Variants in PIBF1 observed in about 807,000 individuals in gnomAD.
PIBF1 encodes the protein progesterone immunomodulatory binding factor 1.
Under a neutral mutation model 112.5 loss-of-function variants are expected in PIBF1, and 90 were observed. The observed-to-expected ratio is 0.80, with a 90% confidence interval of 0.67 to 0.95. PIBF1 has a LOEUF of 0.95. PIBF1 is among the 40% of genes least tolerant of loss of function. The probability of loss-of-function intolerance (pLI) is 0.00; values close to 1 mark genes in which losing one functional copy is unlikely to be tolerated. For missense variants in PIBF1, 915 were observed against 852.3 expected, an observed-to-expected ratio of 1.07 and a Z score of -0.92; for synonymous variants, 301 against 288.6, an observed-to-expected ratio of 1.04 and a Z score of -0.44.
At chr13:72,926,522 C>T (rs2041489094) in intron 13 of PIBF1, among the ~76,000 whole-genome samples, 1 of 152,134 alleles carries the variant, frequency 6.6e-6, no homozygotes, top group Admixed American at 6.6e-5. Flanking sequence ...TTCTGCAGGC[C>T]ATCCTGCACA....
At chr13:72,923,020 C>T (rs1481569132) in intron 13 of PIBF1, among the ~76,000 whole-genome samples, 1 of 152,172 alleles carries the variant, frequency 6.6e-6, no homozygotes, top group East Asian at 1.9e-4. Context: ...CCCTTCTTTG[C>T]AACCATCTTT....
chr13:72,979,003 T>C (rs117941803), intron 16 of PIBF1, among the ~76,000 whole-genome samples: 1 of 152,214 alleles, frequency 6.6e-6, no homozygotes, highest in Non-Finnish European at 1.5e-5. Context: ...AGCACCAGCC[T>C]GGACAACCTA....
chr13:72,920,962 A>G (rs1207258381), intron 13 of PIBF1, among the ~76,000 whole-genome samples: 3 of 152,242 alleles, frequency 2.0e-5, no homozygotes, highest in Non-Finnish European at 2.9e-5. Context: ...TCCAACTACT[A>G]CACAATAGAT....
intron 11 of PIBF1, 84 bp from the exon 12 acceptor site, chr13:72,908,447 C>T: frequency 1.4e-6 from 1 of 714,410 alleles, no homozygotes; most frequent in Non-Finnish European, 2.1e-6. Flanking sequence ...AAAAAAAGCC[C>T]TATGAATGTC....
At chr13:72,986,597 T>C (rs1477236611) in intron 16 of PIBF1, among the ~76,000 whole-genome samples, 1 of 151,896 alleles carries the variant, frequency 6.6e-6, no homozygotes, top group Non-Finnish European at 1.5e-5. Flanking sequence ...TCTCATTTGC[T>C]ATCATTCGTA....
At chr13:72,956,796 A>G (rs2042457816) in intron 14 of PIBF1, among the ~76,000 whole-genome samples, 1 of 152,226 alleles carries the variant, frequency 6.6e-6, no homozygotes, top group African/African-American at 2.4e-5. Context: ...CCCAGTGAGT[A>G]TAAGAATCAT....
At chr13:72,889,011 G>A (rs1182923229) in intron 10 of PIBF1, among the ~76,000 whole-genome samples, 1 of 151,790 alleles carries the variant, frequency 6.6e-6, no homozygotes, top group African/African-American at 2.4e-5. Context: ...ACCAGCCTGG[G>A]CGACATAGTG....
At chr13:72,862,204 G>A (rs2038723881) in intron 10 of PIBF1, among the ~76,000 whole-genome samples, 1 of 152,192 alleles carries the variant, frequency 6.6e-6, no homozygotes, top group South Asian at 2.1e-4. Flanking sequence ...GTGGGAAGAG[G>A]ATGGGAAACA....
At chr13:72,841,973 A>G (rs947215883) in intron 9 of PIBF1, among the ~76,000 whole-genome samples, 8 of 152,224 alleles carry the variant, frequency 5.3e-5, no homozygotes, top group African/African-American at 1.9e-4. Flanking sequence ...TATAAAAGTC[A>G]TCTGATAATA....
chr13:72,870,059 T>C (rs1268325481), intron 10 of PIBF1, among the ~76,000 whole-genome samples: 1 of 152,232 alleles, frequency 6.6e-6, no homozygotes, highest in African/African-American at 2.4e-5. Context: ...ATAAATGTTA[T>C]AAATTTGTTC....
intron 12 of PIBF1, among the ~76,000 whole-genome samples, chr13:72,914,007 C>T (rs1302285247): frequency 6.6e-6 from 1 of 152,046 alleles, no homozygotes; most frequent in African/African-American, 2.4e-5. Flanking sequence ...GAATACTTAT[C>T]GATTAACTAA....
intron 5 of PIBF1, among the ~76,000 whole-genome samples, chr13:72,817,397 A>G (rs1282642451): frequency 6.6e-6 from 1 of 152,188 alleles, no homozygotes; most frequent in African/African-American, 2.4e-5. Flanking sequence ...GTAAGGGCTG[A>G]TGACTGGAAA....
Position 72,797,895 on chromosome 13 carries a change from A to T in PIBF1, c.553-12A>T. On this transcript the variant is annotated splice_polypyrimidine_tract_variant and intron_variant, in intron 4 of 17. Coordinates refer to ENST00000326291, the MANE Select transcript of PIBF1 (RefSeq NM_006346.4). ...GGATTTAAGACTGCTTATTAATTTA[A>T]TTTTTTTCAAGGTTCGCTTCTATGA... The T allele has an allele frequency of 6.3e-7, 1 of 1,575,308 alleles. No individual in the cohort carries two copies. The highest frequency in any genetic ancestry group is 8.6e-7 in the Non-Finnish European group (1 of 1,165,776).
chr13:72,854,111 G>A lies in PIBF1; in HGVS notation c.1278G>A (p.Met426Ile). 1.2e-6 allele frequency: 2 copies of A among 1,613,502 alleles called. No individual in the cohort carries two copies. Among genetic ancestry groups the A allele is most frequent in the Non-Finnish European group, 8.5e-7 (1 of 1,179,548 alleles). The change falls in exon 10 of 18, where the codon ATG becomes ATA. Residue 426 changes from methionine to isoleucine, a missense_variant. By Grantham distance (10) the Met-to-Ile change is conservative. Coordinates refer to ENST00000326291, the MANE Select transcript of PIBF1 (RefSeq NM_006346.4). ...NAVAEKERAV[M>I]AEKDALEKHD... The stretch of plus-strand genomic sequence containing the variant: ...TGGCTGAAAAGGAACGAGCAGTGAT[G>A]GCTGAAAAGGATGCTTTAGAAAAAC...
intron 10 of PIBF1, among the ~76,000 whole-genome samples, chr13:72,880,079 T>A (rs891238822): frequency 1.3e-5 from 2 of 152,206 alleles, no homozygotes; most frequent in Non-Finnish European, 2.9e-5. Flanking sequence ...TTCTTGGAGA[T>A]CATTCACAAG....
At chr13:72,917,630 A>G (rs952555850) in intron 13 of PIBF1, among the ~76,000 whole-genome samples, 2 of 152,212 alleles carry the variant, frequency 1.3e-5, no homozygotes, top group African/African-American at 4.8e-5. Context: ...TAGAAGACCC[A>G]CTAGTTATCT....
Position 72,854,085 on chromosome 13 carries a change from G to A in PIBF1, c.1252G>A (p.Val418Met), listed in dbSNP as rs775459754. The stretch of plus-strand genomic sequence containing the variant: ...TCTCCGAGAAGCAAGGGATAATGCT[G>A]TGGCTGAAAAGGAACGAGCAGTGAT... Reference protein sequence around the residue: ...RNLREARDNAVAEKERAVMAE... With the variant: ...RNLREARDNAMAEKERAVMAE... Residue 418 changes from valine (V) to methionine (M), a missense_variant, in exon 10 of 18, where the codon GTG becomes ATG. Val to Met is a conservative substitution (Grantham distance 21). Coordinates refer to ENST00000326291, the MANE Select transcript of PIBF1 (RefSeq NM_006346.4). 5 of 1,612,978 alleles carry A rather than the reference G, an allele frequency of 3.1e-6. No homozygotes were observed. The African/African-American group carries it at 5.3e-5, about 17-fold the overall frequency.
chr13:73,008,484 C>T (rs1401033839), intron 17 of PIBF1, among the ~76,000 whole-genome samples: 1 of 152,188 alleles, frequency 6.6e-6, no homozygotes. Context: ...TGAAAGGCTT[C>T]TGTCACAGCA....
At chr13:72,820,582 CTAAAA>C (rs1805049751) in intron 5 of PIBF1, among the ~76,000 whole-genome samples, 1 of 152,112 alleles carries the variant, frequency 6.6e-6, no homozygotes, top group African/African-American at 2.4e-5. Context: ...AATTTGGGGA[CTAAAA>C]TAATCAAAGT....
Sources: gnomAD v4.1 joint callset for allele counts (sites outside exome capture counted in the v4.1 genomes callset) on GRCh38, gnomAD v4.1.1 for gene constraint, MANE v1.5 for transcripts, NCBI Gene and HGNC (gene_info 2026-07-23, HGNC 2026-07-21) for gene names.